Variants in PAM observed in about 807,000 individuals in gnomAD.
PAM encodes peptidylglycine alpha-amidating monooxygenase.
A neutral mutation model predicts 122.1 loss-of-function variants in PAM; 72 were observed. The ratio of observed to expected loss-of-function variants is 0.59; its 90% CI spans 0.49 to 0.72. The LOEUF is 0.72. Among genes scored for constraint, PAM ranks in the 30% least tolerant of loss-of-function variants. The probability of loss-of-function intolerance (pLI) is 0.00; values close to 1 mark genes in which losing one functional copy is unlikely to be tolerated. For synonymous variants in PAM, 389 were observed against 404.4 expected (o/e 0.96, Z 0.46); for missense variants, 1,106 against 1,183.7 (o/e 0.93, Z 0.96).
At chr5:102,815,359 A>AAGC (rs1769442518) in intron 1 of PAM, among the ~76,000 whole-genome samples, 1 of 152,142 alleles carries the variant, frequency 6.6e-6, no homozygotes, top group Admixed American at 6.6e-5. Flanking sequence ...GGAGGTAAAG[A>AAGC]AGCAGCAGCA....
At chr5:103,028,405 C>T (rs974258712) in intron 25 of PAM, among the ~76,000 whole-genome samples, 167 bp downstream of exon 25, 2 of 152,180 alleles carry the variant, frequency 1.3e-5, no homozygotes, top group African/African-American at 4.8e-5. Flanking sequence ...ATAAACTAAA[C>T]TGAAGTGCAT....
intron 15 of PAM, among the ~76,000 whole-genome samples, chr5:102,987,938 CTG>C (rs886383938): frequency 9.8e-5 from 15 of 152,332 alleles, no homozygotes; most frequent in African/African-American, 3.6e-4. Context: ...ATTATTCCCT[CTG>C]TGCTTTACTG....
At chr5:102,969,935 G>C (rs774752945) in intron 14 of PAM, among the ~76,000 whole-genome samples, 1 of 152,076 alleles carries the variant, frequency 6.6e-6, no homozygotes, top group Non-Finnish European at 1.5e-5. Flanking sequence ...AAACACCAGC[G>C]TTTTTTACAT....
Position 102,867,385 on chromosome 5 carries a change from C to G in PAM, c.202C>G (p.Pro68Ala), listed in dbSNP as rs1785946052. ...ALDIRMPGVT[P>A]KQSDTYFCMS... ...GGATATTCGCATGCCTGGGGTTACACCTAAACAGGTGAGAGGAATTTTGTC... is the reference window on the plus strand; with the variant it reads ...GGATATTCGCATGCCTGGGGTTACAGCTAAACAGGTGAGAGGAATTTTGTC... Residue 68 changes from proline (P) to alanine (A), a missense_variant, in exon 3 of 26, where the codon CCT (proline) becomes GCT (alanine). Physicochemically the swap from Pro to Ala is conservative, Grantham distance 27. This residue lies in a region of PAM where 670 missense variants were observed against 690.3 expected (regional missense o/e 0.97). Transcript: ENST00000438793. The G allele has an allele frequency of 1.2e-6, 2 of 1,608,078 alleles. No individual in the cohort carries two copies. Among genetic ancestry groups the G allele is most frequent in the Non-Finnish European group, 8.5e-7 (1 of 1,175,316 alleles).
At chr5:102,855,739 C>T (rs1347706348) in intron 1 of PAM, among the ~76,000 whole-genome samples, 1 of 151,942 alleles carries the variant, frequency 6.6e-6, no homozygotes, top group Admixed American at 6.6e-5. Flanking sequence ...ACAAACATCT[C>T]ATTAAAAATG....
chr5:102,913,454 A>G (rs146983339), intron 4 of PAM, among the ~76,000 whole-genome samples: 1 of 152,086 alleles, frequency 6.6e-6, no homozygotes, highest in Non-Finnish European at 1.5e-5. Flanking sequence ...TATACATCCC[A>G]GTGACTATCG....
intron 1 of PAM, among the ~76,000 whole-genome samples, chr5:102,853,255 T>C (rs551228753): frequency 6.6e-6 from 1 of 152,242 alleles, no homozygotes; most frequent in Admixed American, 6.5e-5. Context: ...TATTCCTGAT[T>C]AGTGAAGCAT....
intron 15 of PAM, among the ~76,000 whole-genome samples, chr5:102,982,128 C>T (rs1770103648): frequency 1.3e-5 from 2 of 152,052 alleles, no homozygotes; most frequent in Non-Finnish European, 2.9e-5. Context: ...TGAGGATTCA[C>T]CCGCCCTGTC....
chr5:102,764,065 T>C (rs1753181577), intron 1 of PAM, among the ~76,000 whole-genome samples: 1 of 152,046 alleles, frequency 6.6e-6, no homozygotes, highest in African/African-American at 2.4e-5. Context: ...CGAAAGTGTT[T>C]TGGGGGGAAT....
intron 11 of PAM, 136 bp downstream of exon 11, chr5:102,950,114 T>A (rs1176612653): frequency 5.2e-6 from 3 of 581,536 alleles, no homozygotes; most frequent in Admixed American, 6.4e-5. Flanking sequence ...CTGAGCTGTA[T>A]AACCTCCTTT....
At chr5:102,963,265 C>T (rs901349004) in intron 14 of PAM, among the ~76,000 whole-genome samples, 1 of 151,932 alleles carries the variant, frequency 6.6e-6, no homozygotes, top group South Asian at 2.1e-4. Flanking sequence ...ATGTGATGCA[C>T]TAATGAGATT....
chr5:102,976,040 C>A (rs1274466457), intron 15 of PAM, among the ~76,000 whole-genome samples: 2 of 152,026 alleles, frequency 1.3e-5, no homozygotes, highest in African/African-American at 4.8e-5. Flanking sequence ...CCAAAGTGGT[C>A]AAATGGTAGT....
chr5:102,940,129 C>CACACACACACACACACACACAT lies in PAM; in HGVS notation c.527-6694_527-6673dup, dbSNP rs1754636233. Among the ~76,000 whole-genome samples the CACACACACACACACACACACAT allele has an allele frequency of 2.0e-5, 3 of 149,960 alleles. No individual in the cohort carries two copies. In the South Asian group the frequency reaches 6.3e-4, roughly 31 times the overall value. ...ATATGTATACATACACACACACACA[C>CACACACACACACACACACACAT]ACACACACACACACACACACATACA... On this transcript the variant is annotated intron_variant, in intron 7 of 25. Coordinates refer to ENST00000438793, the MANE Select transcript of PAM (RefSeq NM_001177306.2).
chr5:102,980,283 A>G (rs1389343054), intron 15 of PAM, among the ~76,000 whole-genome samples: 5 of 152,200 alleles, frequency 3.3e-5, no homozygotes, highest in Non-Finnish European at 7.4e-5. Context: ...CATGTATTGA[A>G]TCATTTCTTA....
At chr5:102,849,161 A>G (rs930648925) in intron 1 of PAM, among the ~76,000 whole-genome samples, 1 of 152,208 alleles carries the variant, frequency 6.6e-6, no homozygotes, top group Non-Finnish European at 1.5e-5. Context: ...GATTGTCATT[A>G]TATAAACCCC....
intron 1 of PAM, among the ~76,000 whole-genome samples, chr5:102,813,333 G>T (rs1322083242): frequency 6.6e-6 from 1 of 152,160 alleles, no homozygotes; most frequent in Non-Finnish European, 1.5e-5. Flanking sequence ...CAAAGATCTT[G>T]ATTTCTCACC....
At chr5:102,849,225 G>A (rs1343878262) in intron 1 of PAM, among the ~76,000 whole-genome samples, 2 of 152,020 alleles carry the variant, frequency 1.3e-5, no homozygotes, top group Non-Finnish European at 1.5e-5. Flanking sequence ...TTCTCAACAC[G>A]GATCTGGAAC....
At chr5:102,977,915 T>C (rs1348973175) in intron 15 of PAM, among the ~76,000 whole-genome samples, 1 of 152,134 alleles carries the variant, frequency 6.6e-6, no homozygotes, top group Non-Finnish European at 1.5e-5. Context: ...GAGATTATAA[T>C]AGTATACTCC....
chr5:102,798,618 G>A (rs1763941604), intron 1 of PAM, among the ~76,000 whole-genome samples: 1 of 152,042 alleles, frequency 6.6e-6, no homozygotes, highest in African/African-American at 2.4e-5. Flanking sequence ...TCTTCACCCA[G>A]CATGGGTTCA....
Sources: allele counts gnomAD v4.1 joint callset (sites outside exome capture counted in the v4.1 genomes callset), GRCh38; gene constraint gnomAD v4.1.1; regional missense constraint gnomAD v4.1.1; transcripts MANE v1.5; gene names NCBI Gene and HGNC (gene_info 2026-07-23, HGNC 2026-07-21).